Variants in FOXP1 observed in about 807,000 individuals in gnomAD.
FOXP1 encodes the protein forkhead box P1.
Under a neutral mutation model 98.2 loss-of-function variants are expected in FOXP1, and 15 were observed. The observed-to-expected ratio is 0.15, with a 90% CI of 0.10 to 0.24. The LOEUF (loss-of-function observed/expected upper bound fraction) is 0.24. Ranked by LOEUF, FOXP1 falls within the 10% of genes least tolerant of loss-of-function variation. The pLI, the probability that FOXP1 is intolerant of heterozygous loss-of-function variation, is 1.00. For synonymous variants in FOXP1, 371 were observed against 314.5 expected (o/e 1.18, Z -1.90); for missense variants, 633 against 848.5 (o/e 0.75, Z 3.15).
At chr3:71,126,578 C>CT (rs1330933360) in intron 6 of FOXP1, among the ~76,000 whole-genome samples, 1 of 150,998 alleles carries the variant, frequency 6.6e-6, no homozygotes, top group Non-Finnish European at 1.5e-5. Context: ...AATCCCAGCA[C>CT]TTTGGGAGGC....
In FOXP1 at chr3:70,956,071, A is replaced by G; in HGVS notation, c.*3176T>C. On this transcript the variant is annotated 3_prime_UTR_variant, in exon 21 of 21. Transcript: ENST00000649528. Reference sequence around the variant, plus strand: ...ATACAGTAGTTTTTTTTCCAAAGCTATTTTTTTTTAGTATCGTTAATATAA... The same window carrying G: ...ATACAGTAGTTTTTTTTCCAAAGCTGTTTTTTTTTAGTATCGTTAATATAA... The G allele has an allele frequency of 4.3e-6, 1 of 230,192 alleles. No individual in the cohort carries two copies. The allele number at this position is 230,192 out of a possible 1,614,324, so 14.3% of individuals were successfully genotyped here.
chr3:71,064,464 A>G (rs770138165), intron 7 of FOXP1, among the ~76,000 whole-genome samples: 6 of 152,206 alleles, frequency 3.9e-5, no homozygotes, highest in Middle Eastern at 3.4e-3. Flanking sequence ...AAAAAGAGAG[A>G]GAGAGAAACA....
intron 6 of FOXP1, among the ~76,000 whole-genome samples, chr3:71,155,747 G>C (rs1476741488): frequency 1.3e-5 from 2 of 152,188 alleles, no homozygotes; most frequent in African/African-American, 4.8e-5. Flanking sequence ...ACAAAGACTT[G>C]ATACGCTCAC....
At chr3:70,970,438 G>T in intron 19 of FOXP1, 1 of 427,662 alleles carries the variant, frequency 2.3e-6, no homozygotes, top group Admixed American at 3.5e-5. Flanking sequence ...TACACTTGTG[G>T]TATTTTTGCC....
rs539728192 is a variant in FOXP1 at position 71,228,370 on chromosome 3, CTAAA to C, written c.-11-29982_-11-29979del. ...TGTGGAGTTTTTACTCAGGTGTACT[CTAAA>C]TGTGCATTAAACTGCAGCTCCATTA... On this transcript the variant is annotated intron_variant, in intron 5 of 20. Coordinates refer to ENST00000649528, the MANE Select transcript of FOXP1 (RefSeq NM_001349338.3). 4.7e-4 allele frequency among the ~76,000 whole-genome samples: 72 copies of C among 151,688 alleles called. 1 individual carries two copies. The highest frequency in any genetic ancestry group is 1.7e-3 in the African/African-American group (69 of 41,344).
intron 12 of FOXP1, among the ~76,000 whole-genome samples, chr3:71,006,258 AAAT>A (rs1249581592): frequency 1.3e-5 from 2 of 152,104 alleles, no homozygotes. Context: ...AATTTAAATA[AAAT>A]AATAATAATA....
chr3:71,502,905 C>G (rs371526081), intron 2 of FOXP1, among the ~76,000 whole-genome samples: 4 of 146,218 alleles, frequency 2.7e-5, no homozygotes, highest in African/African-American at 1.0e-4. Flanking sequence ...ATGAAGAAAC[C>G]AACTAGGTCA....
intron 6 of FOXP1, among the ~76,000 whole-genome samples, chr3:71,179,088 G>A (rs946708346): frequency 3.5e-4 from 52 of 149,450 alleles, no homozygotes; most frequent in African/African-American, 1.3e-3. Context: ...ATTGAAACTA[G>A]GATGGCCTAC....
intron 14 of FOXP1, among the ~76,000 whole-genome samples, chr3:70,979,311 AAAAAAAAAAG>A (rs2107347332): frequency 2.7e-5 from 4 of 147,708 alleles, no homozygotes; most frequent in Admixed American, 2.0e-4. Flanking sequence ...AAAAAAAAAA[AAAAAAAAAAG>A]AAAAAAATAA....
At chr3:71,114,148 T>C (rs991116050) in intron 6 of FOXP1, among the ~76,000 whole-genome samples, 1 of 152,224 alleles carries the variant, frequency 6.6e-6, no homozygotes, top group African/African-American at 2.4e-5. Flanking sequence ...GACCTGAAGC[T>C]ATAGCCTTAG....
At position 71,306,301 on chromosome 3, in the gene FOXP1, C is replaced by CG. The variant is rs938523627; in HGVS notation, c.-72-6422dup. ...AGTAATTAAGAACTCACTCGTGGGG[C>CG]GGGGGGGAGTGCTATTGTTGTATCT... On this transcript the variant is annotated intron_variant, in intron 4 of 20. Coordinates refer to ENST00000649528, the MANE Select transcript of FOXP1 (RefSeq NM_001349338.3). 5.1e-4 allele frequency among the ~76,000 whole-genome samples: 78 copies of CG among 151,640 alleles called. 1 individual carries two copies. The highest frequency in any genetic ancestry group is 1.2e-3 in the African/African-American group (51 of 41,328).
In FOXP1 at chr3:71,385,107, T is replaced by TA. The variant is rs11304054; in HGVS notation, c.-167-25864dup. ...TAAGAAGGGGCACGGGAAAAGGAAG[T>TA]AAAAAAAAAAAAAAATCCTAACTGC... On this transcript the variant is annotated intron_variant, in intron 3 of 20. Coordinates refer to ENST00000649528, the MANE Select transcript of FOXP1 (RefSeq NM_001349338.3). 2.5e-3 allele frequency among the ~76,000 whole-genome samples: 345 copies of TA among 138,944 alleles called. 3 individuals are homozygous for TA. In the East Asian group the frequency reaches 0.052, roughly 21 times the overall value. 91.2% of individuals were successfully genotyped at this position (138,944 alleles called of 152,430 possible). A position where few individuals can be genotyped will look rare whatever the true frequency, so the allele number is the denominator to read the frequency against.
Position 71,171,078 on chromosome 3 carries a change from T to C in FOXP1, c.180+27124A>G, listed in dbSNP as rs573124085. 1.1e-4 allele frequency among the ~76,000 whole-genome samples: 17 copies of C among 151,188 alleles called. No individual in the cohort carries two copies. In the South Asian group the frequency reaches 1.3e-3, roughly 11 times the overall value. On this transcript the variant is annotated intron_variant, in intron 6 of 20. Transcript: ENST00000649528. The stretch of plus-strand genomic sequence containing the variant: ...ATCCATCCATCCAGCCTTCCATCCA[T>C]TCATACAAATACACACTCACTTTTT...
chr3:71,008,768 A>G (rs939016917), intron 12 of FOXP1, among the ~76,000 whole-genome samples: 4 of 152,004 alleles, frequency 2.6e-5, no homozygotes, highest in African/African-American at 9.7e-5. Context: ...GGTATACCTC[A>G]CCTTGGGAAC....
intron 6 of FOXP1, among the ~76,000 whole-genome samples, chr3:71,158,044 C>A (rs2060910549): frequency 7.0e-6 from 1 of 142,996 alleles, no homozygotes; most frequent in Non-Finnish European, 1.5e-5. Context: ...GCCAAGATTG[C>A]ACCACTGCAC....
chr3:71,452,574 T>C (rs1334404741), intron 3 of FOXP1, among the ~76,000 whole-genome samples: 1 of 152,188 alleles, frequency 6.6e-6, no homozygotes, highest in Non-Finnish European at 1.5e-5. Flanking sequence ...GAGGCTCTTG[T>C]TGTATTTTAA....
rs568525013 is a variant in FOXP1 at position 71,130,617 on chromosome 3, G to C, written c.181-17980C>G. On this transcript the variant is annotated intron_variant, in intron 6 of 20. Coordinates refer to ENST00000649528, the MANE Select transcript of FOXP1 (RefSeq NM_001349338.3). ...GCGGGGGTTGCCGAGTGGTAAAAAA[G>C]ATGTTTGAATAAACAGGAAGTACTG... is the stretch of plus-strand genomic sequence containing the variant. The C allele has an allele frequency of 1.1e-5, 17 of 1,598,300 alleles. No individual in the cohort carries two copies. The African/African-American group carries it at 2.3e-4, about 21-fold the overall frequency.
chr3:71,080,905 A>G (rs950630752), intron 7 of FOXP1, among the ~76,000 whole-genome samples: 15 of 152,196 alleles, frequency 9.9e-5, no homozygotes, highest in African/African-American at 3.6e-4. Flanking sequence ...ATTTGACTCA[A>G]TGAACCCATT....
chr3:71,028,052 T>A lies in FOXP1; in HGVS notation c.870-12399A>T, dbSNP rs75680263. Among the ~76,000 whole-genome samples, 441 of 152,026 alleles carry A rather than the reference T, an allele frequency of 2.9e-3. 3 individuals carry two copies. The highest frequency in any genetic ancestry group is 2.3e-3 in the Non-Finnish European group (155 of 67,976). On this transcript the variant is annotated intron_variant, in intron 11 of 20. Coordinates refer to ENST00000649528, the MANE Select transcript of FOXP1 (RefSeq NM_001349338.3). ...GTAGGAGCTCAGGTGATGAAAGGAA[T>A]AGAGTGAGAGCAGAGAACCGAAGCA...
Sources: gnomAD v4.1 joint callset for allele counts (sites outside exome capture counted in the v4.1 genomes callset) on GRCh38, gnomAD v4.1.1 for gene constraint, MANE v1.5 for transcripts, NCBI Gene and HGNC (gene_info 2026-07-23, HGNC 2026-07-21) for gene names.